The following CNGA1 variants were observed in gnomAD, a reference collection of about 807,000 sequenced individuals.
The protein encoded by CNGA1 is cyclic nucleotide gated channel subunit alpha 1, also known as cyclic nucleotide-gated channel alpha-1.
A neutral mutation model predicts 69.7 loss-of-function variants in CNGA1; 53 were observed. That is an observed-to-expected ratio of 0.76 (90% CI 0.61 to 0.96). The LOEUF (loss-of-function observed/expected upper bound fraction) is 0.96, where lower values mean the gene tolerates loss of function less well. Among genes scored for constraint, CNGA1 ranks in the 40% least tolerant of loss-of-function variants. The pLI is 0.00. For missense variants in CNGA1, 739 were observed against 811.2 expected, an observed-to-expected ratio of 0.91 and a Z score of 1.08; for synonymous variants, 249 against 283.5, an observed-to-expected ratio of 0.88 and a Z score of 1.22.
intron 3 of CNGA1, among the ~76,000 whole-genome samples, chr4:47,956,170 A>T (rs1473902672): frequency 6.6e-6 from 1 of 152,186 alleles, no homozygotes; most frequent in Non-Finnish European, 1.5e-5. Flanking sequence ...TGAGATTTGG[A>T]AGGTAGAAGT....
At chr4:48,011,420 C>CAT (rs1715159167) in intron 1 of CNGA1, among the ~76,000 whole-genome samples, 1 of 151,672 alleles carries the variant, frequency 6.6e-6, no homozygotes, top group Non-Finnish European at 1.5e-5. Flanking sequence ...CATACACACA[C>CAT]ACACACACAC....
At chr4:47,996,255 C>T (rs1027150129) in intron 2 of CNGA1, among the ~76,000 whole-genome samples, 6 of 152,148 alleles carry the variant, frequency 3.9e-5, no homozygotes, top group Non-Finnish European at 2.9e-5. Flanking sequence ...CTCCAGCCCT[C>T]AGCATGATTG....
chr4:47,991,012 A>G (rs1289498046), intron 2 of CNGA1, among the ~76,000 whole-genome samples: 4 of 152,144 alleles, frequency 2.6e-5, no homozygotes, highest in Non-Finnish European at 4.4e-5. Context: ...TCCATTATAT[A>G]TATATACATG....
chr4:47,953,452 T>A (rs1307619891), intron 3 of CNGA1, among the ~76,000 whole-genome samples: 1 of 152,226 alleles, frequency 6.6e-6, no homozygotes, highest in Admixed American at 6.5e-5. Context: ...TGAATTTCCA[T>A]AGGCATTTGG....
Position 47,937,481 on chromosome 4 carries a change from T to C in CNGA1, c.1001A>G (p.Asn334Ser). The C allele has an allele frequency of 4.3e-6, 7 of 1,614,194 alleles. No individual in the cohort carries two copies. Among genetic ancestry groups the C allele is most frequent in the Non-Finnish European group, 5.9e-6 (7 of 1,180,026 alleles). The change falls in exon 11 of 11, where the codon AAT (asparagine) becomes AGT (serine). Residue 334 changes from asparagine to serine, a missense_variant. Transcript: ENST00000514170. Reference sequence around the variant, plus strand: ...AGCCAAACGGCCAAATTCAGGATCATTAATATCAGGGTAGACCCATGTATC... The same window carrying C: ...AGCCAAACGGCCAAATTCAGGATCACTAATATCAGGGTAGACCCATGTATC... The part of the protein sequence containing the change: ...GNDTWVYPDI[N>S]DPEFGRLARK...
intron 3 of CNGA1, among the ~76,000 whole-genome samples, chr4:47,966,953 AC>A (rs1293383184): frequency 6.6e-6 from 1 of 152,218 alleles, no homozygotes; most frequent in Non-Finnish European, 1.5e-5. Context: ...CTCTTAGCAA[AC>A]CAGGAATAGA....
chr4:47,940,639 C>G, intron 10 of CNGA1, 124 bp downstream of exon 10: 1 of 719,908 alleles, frequency 1.4e-6, no homozygotes, highest in Non-Finnish European at 2.4e-6. Context: ...TCACCTGTGC[C>G]TTTTTCTCTA....
intron 2 of CNGA1, among the ~76,000 whole-genome samples, chr4:47,981,882 T>A (rs1367185659): frequency 6.6e-6 from 1 of 152,226 alleles, no homozygotes; most frequent in Admixed American, 6.5e-5. Flanking sequence ...CAAAGTATAA[T>A]TACATTTTCA....
In CNGA1 at chr4:47,970,137, G is replaced by A. The variant is rs577176834; in HGVS notation, c.-15+11256C>T. Among the ~76,000 whole-genome samples the A allele has an allele frequency of 1.4e-3, 218 of 152,128 alleles. 4 individuals are homozygous for A. The highest frequency in any genetic ancestry group is 3.7e-4 in the Non-Finnish European group (25 of 68,022). ...CACAAAGGATGGTTGCAGCAACCTC[G>A]GGTTAGAAGTAGCCAAACTGTTAAT... is the stretch of plus-strand genomic sequence containing the variant. On this transcript the variant is annotated intron_variant, in intron 3 of 10. Transcript: ENST00000514170.
chr4:47,987,630 G>A lies in CNGA1; in HGVS notation c.-122-6130C>T, dbSNP rs1000673784. Reference sequence around the variant, plus strand: ...CAAAACTAATTTCTGCCCTTGTGGAGCATACACTCTAATAAGATGGGAAAG... The same window carrying A: ...CAAAACTAATTTCTGCCCTTGTGGAACATACACTCTAATAAGATGGGAAAG... On this transcript the variant is annotated intron_variant, in intron 2 of 10. Transcript: ENST00000514170. Among the ~76,000 whole-genome samples, 7 of 147,664 alleles carry A rather than the reference G, an allele frequency of 4.7e-5. No individual in the cohort carries two copies. The South Asian group carries it at 1.1e-3, about 23-fold the overall frequency.
At chr4:47,966,642 G>A (rs756459580) in intron 3 of CNGA1, among the ~76,000 whole-genome samples, 4 of 152,172 alleles carry the variant, frequency 2.6e-5, no homozygotes, top group East Asian at 1.9e-4. Flanking sequence ...ACAAGTGGGA[G>A]ACAGAAAATA....
chr4:47,967,868 C>CT (rs1447776581), intron 3 of CNGA1, among the ~76,000 whole-genome samples: 3 of 151,942 alleles, frequency 2.0e-5, no homozygotes, highest in Admixed American at 2.0e-4. Flanking sequence ...GTCCCAGCTA[C>CT]TTGGGAGGCT....
intron 3 of CNGA1, among the ~76,000 whole-genome samples, chr4:47,971,611 G>C (rs962448456): frequency 6.6e-6 from 1 of 152,040 alleles, no homozygotes; most frequent in South Asian, 2.1e-4. Context: ...AAAAACCGTG[G>C]CCAGGCACGG....
In CNGA1 at chr4:48,000,374, G is replaced by GTTT. The variant is rs569343152; in HGVS notation, c.-123+10417_-123+10419dup. 5.6e-3 allele frequency among the ~76,000 whole-genome samples: 824 copies of GTTT among 146,214 alleles called. 7 individuals carry two copies. Among genetic ancestry groups the GTTT allele is most frequent in the African/African-American group, 0.019 (766 of 40,040 alleles). On this transcript the variant is annotated intron_variant, in intron 2 of 10. Coordinates refer to ENST00000514170, the MANE Select transcript of CNGA1 (RefSeq NM_001379270.1). ...AAAAGCCCAATTACTAACAATAAGT[G>GTTT]TTTTTTTTTTTTGAGACAGAGTTTC...
chr4:47,972,793 A>C (rs960023053), intron 3 of CNGA1, among the ~76,000 whole-genome samples: 2 of 152,192 alleles, frequency 1.3e-5, no homozygotes, highest in African/African-American at 4.8e-5. Flanking sequence ...GTAACTATGT[A>C]CCTCTGACTA....
chr4:47,989,456 C>G (rs1435884652), intron 2 of CNGA1, among the ~76,000 whole-genome samples: 1 of 152,076 alleles, frequency 6.6e-6, no homozygotes. Flanking sequence ...TGTACACTTA[C>G]CAGGGTACCA....
intron 3 of CNGA1, among the ~76,000 whole-genome samples, chr4:47,962,936 T>G (rs1740534957): frequency 6.6e-6 from 1 of 151,904 alleles, no homozygotes; most frequent in African/African-American, 2.4e-5. Context: ...CAGAAAGAAT[T>G]GATATGTTTA....
chr4:47,971,360 T>C (rs1741027939), intron 3 of CNGA1, among the ~76,000 whole-genome samples: 1 of 152,118 alleles, frequency 6.6e-6, no homozygotes. Flanking sequence ...TGTTGTATCA[T>C]GTAAATTAAT....
chr4:47,967,973 G>A (rs369146255), intron 3 of CNGA1, among the ~76,000 whole-genome samples: 17 of 151,334 alleles, frequency 1.1e-4, no homozygotes, highest in Admixed American at 4.6e-4. Context: ...GCAAGACTTC[G>A]TCTCAAAAAA....
Sources: allele counts gnomAD v4.1 joint callset (sites outside exome capture counted in the v4.1 genomes callset), GRCh38; gene constraint gnomAD v4.1.1; transcripts MANE v1.5; gene names NCBI Gene and HGNC (gene_info 2026-07-23, HGNC 2026-07-21).